Variants in PRKCB observed in about 807,000 individuals in gnomAD.
PRKCB encodes the protein protein kinase C beta.
Under a neutral mutation model 81.5 loss-of-function variants are expected in PRKCB, and 13 were observed. That is an observed-to-expected ratio of 0.16 (90% confidence interval 0.10 to 0.25). The LOEUF (loss-of-function observed/expected upper bound fraction) is 0.25, where lower values mean the gene tolerates loss of function less well. PRKCB is among the 10% of genes least tolerant of loss of function. The pLI, the probability that PRKCB is intolerant of heterozygous loss-of-function variation, is 1.00. For synonymous variants in PRKCB, 335 were observed against 321.4 expected, an observed-to-expected ratio of 1.04 and a Z score of -0.45; for missense variants, 509 against 875.7, an observed-to-expected ratio of 0.58 and a Z score of 5.29.
At chr16:24,166,447 T>C (rs906754718) in intron 10 of PRKCB, among the ~76,000 whole-genome samples, 4 of 152,148 alleles carry the variant, frequency 2.6e-5, no homozygotes, top group African/African-American at 9.7e-5. Context: ...TTTTTTCTTT[T>C]ATATGACTCC....
intron 2 of PRKCB, among the ~76,000 whole-genome samples, chr16:23,917,692 C>A (rs1024118131): frequency 7.2e-5 from 11 of 152,216 alleles, no homozygotes; most frequent in African/African-American, 2.2e-4. Flanking sequence ...TCCAGATGGA[C>A]CACATTTAAA....
chr16:23,837,526 A>G, intron 2 of PRKCB, 120 bp downstream of exon 2: 1 of 1,277,718 alleles, frequency 7.8e-7, no homozygotes, highest in Non-Finnish European at 1.1e-6. Context: ...GTGACCTCCC[A>G]GGCTAGGAAT....
intron 12 of PRKCB, 59 bp downstream of exon 12, chr16:24,174,639 G>A: frequency 3.5e-6 from 5 of 1,426,332 alleles, no homozygotes; most frequent in Non-Finnish European, 4.9e-6. Context: ...TCCCTGCCCT[G>A]CCTCTTTCTT....
chr16:24,042,603 A>C (rs1201430217), intron 5 of PRKCB, among the ~76,000 whole-genome samples: 1 of 152,182 alleles, frequency 6.6e-6, no homozygotes, highest in Non-Finnish European at 1.5e-5. Context: ...ACACATTTCA[A>C]AGTAAACTGC....
chr16:24,083,234 A>G (rs1255257213), intron 5 of PRKCB, among the ~76,000 whole-genome samples: 1 of 152,260 alleles, frequency 6.6e-6, no homozygotes, highest in African/African-American at 2.4e-5. Context: ...AGGAACTCTC[A>G]TTCATCACTG....
intron 2 of PRKCB, among the ~76,000 whole-genome samples, chr16:23,873,955 T>A (rs1170096373): frequency 6.6e-6 from 1 of 152,164 alleles, no homozygotes; most frequent in Non-Finnish European, 1.5e-5. Flanking sequence ...CCTGCCTCTG[T>A]AAATCACTCG....
At chr16:23,844,670 G>A (rs1214855947) in intron 2 of PRKCB, among the ~76,000 whole-genome samples, 2 of 151,818 alleles carry the variant, frequency 1.3e-5, no homozygotes, top group East Asian at 3.9e-4. Flanking sequence ...ACCTCGCCCG[G>A]CTAATTTTTT....
At chr16:24,130,062 CATACACTTTACATTTGCAGATAACTGCAA>C (rs1227924090) in intron 9 of PRKCB, among the ~76,000 whole-genome samples, 6 of 152,146 alleles carry the variant, frequency 3.9e-5, no homozygotes, top group African/African-American at 7.2e-5. Context: ...TGCAGACATC[CATACACTTTACATTTGCAGATAACTGCAA>C]ATGCACTTTA....
Position 24,215,126 on chromosome 16 carries a change from C to T in PRKCB, c.*310C>T. ...GGAGAGAAAATGCCTGCTTTCTTTC[C>T]CTCTTTTTCTGCACTGCCATATTCA... On this transcript the variant is annotated 3_prime_UTR_variant, in exon 17 of 17. Coordinates refer to ENST00000643927, the MANE Select transcript of PRKCB (RefSeq NM_002738.7). 1 of 1,094,710 alleles carries T rather than the reference C, an allele frequency of 9.1e-7. No individual in the cohort carries two copies. Among genetic ancestry groups the T allele is most frequent in the Non-Finnish European group, 1.1e-6 (1 of 895,398 alleles). 67.8% of individuals were successfully genotyped at this position (1,094,710 alleles called of 1,614,324 possible). A position where few individuals can be genotyped will look rare whatever the true frequency, so the allele number is the denominator to read the frequency against.
chr16:23,868,537 A>T (rs1372971076), intron 2 of PRKCB, among the ~76,000 whole-genome samples: 3 of 152,238 alleles, frequency 2.0e-5, no homozygotes, highest in Admixed American at 6.5e-5. Context: ...CATTTTATGG[A>T]TAAATAACCT....
At chr16:23,877,537 G>A (rs8056885) in intron 2 of PRKCB, among the ~76,000 whole-genome samples, 3,669 of 152,066 alleles carry the variant, frequency 0.024, 173 homozygotes, top group African/African-American at 0.083. Flanking sequence ...CCCAAAAGTC[G>A]GCCTCAACCT....
intron 2 of PRKCB, among the ~76,000 whole-genome samples, chr16:23,967,238 C>T (rs1964500408): frequency 6.6e-6 from 1 of 152,300 alleles, no homozygotes; most frequent in East Asian, 1.9e-4. Context: ...ACGCTGCCAC[C>T]AGGCAGTGAG....
At chr16:24,071,466 A>G (rs112915151) in intron 5 of PRKCB, among the ~76,000 whole-genome samples, 23 of 150,564 alleles carry the variant, frequency 1.5e-4, no homozygotes, top group African/African-American at 5.4e-4. Flanking sequence ...AAAAAAAGAC[A>G]AACAGGACTG....
chr16:24,169,295 A>C (rs1967400811), intron 10 of PRKCB, among the ~76,000 whole-genome samples: 1 of 152,138 alleles, frequency 6.6e-6, no homozygotes, highest in Admixed American at 6.5e-5. Flanking sequence ...TTGGTCAGGC[A>C]TGGTGCTGGG....
At chr16:24,043,871 A>G (rs767265952) in intron 5 of PRKCB, among the ~76,000 whole-genome samples, 1 of 152,194 alleles carries the variant, frequency 6.6e-6, no homozygotes, top group Non-Finnish European at 1.5e-5. Context: ...CTATTAAAAT[A>G]TGTATACATA....
chr16:23,881,841 C>G (rs1016111574), intron 2 of PRKCB, among the ~76,000 whole-genome samples: 2 of 151,796 alleles, frequency 1.3e-5, no homozygotes, highest in East Asian at 1.9e-4. Context: ...TCCTCCCCAC[C>G]GAGCCTCTGG....
intron 5 of PRKCB, among the ~76,000 whole-genome samples, chr16:24,036,868 T>C (rs1216428292): frequency 6.6e-6 from 1 of 152,212 alleles, no homozygotes; most frequent in Admixed American, 6.5e-5. Flanking sequence ...GGTGTCATTC[T>C]GTGGGAAATA....
chr16:24,117,890 G>C (rs952899927), intron 8 of PRKCB, among the ~76,000 whole-genome samples: 2 of 152,180 alleles, frequency 1.3e-5, no homozygotes, highest in Non-Finnish European at 1.5e-5. Context: ...GTTATCCGTC[G>C]GCTCCCCTTC....
At chr16:24,145,864 G>C (rs1383553482) in intron 9 of PRKCB, among the ~76,000 whole-genome samples, 1 of 152,232 alleles carries the variant, frequency 6.6e-6, no homozygotes, top group Admixed American at 6.5e-5. Flanking sequence ...CCACTGTAAT[G>C]GGTAGAATTG....
Sources: allele counts gnomAD v4.1 joint callset (sites outside exome capture counted in the v4.1 genomes callset), GRCh38; gene constraint gnomAD v4.1.1; transcripts MANE v1.5; gene names NCBI Gene and HGNC (gene_info 2026-07-23, HGNC 2026-07-21).